The following SAMD12 variants were observed in gnomAD, a reference collection of about 807,000 sequenced individuals.
The protein encoded by SAMD12 is sterile alpha motif domain-containing protein 12.
SAMD12 carries 9 observed loss-of-function variants against 15.0 expected under a neutral mutation model. The ratio of observed to expected loss-of-function variants is 0.60; its 90% confidence interval spans 0.36 to 1.05. SAMD12 has a LOEUF of 1.05. SAMD12 is among the 50% of genes least tolerant of loss of function. The pLI is 0.01. For synonymous variants in SAMD12, 86 were observed against 90.1 expected (o/e 0.96, Z 0.25); for missense variants, 230 against 234.2 (o/e 0.98, Z 0.12).
chr8:118,348,549 T>C (rs1420604507), intron 4 of SAMD12, among the ~76,000 whole-genome samples: 2 of 152,054 alleles, frequency 1.3e-5, no homozygotes, highest in African/African-American at 2.4e-5. Context: ...TTTTTTTGTG[T>C]TTTTAGTAGA....
At chr8:118,534,213 G>C (rs1216116845) in intron 2 of SAMD12, among the ~76,000 whole-genome samples, 1 of 152,032 alleles carries the variant, frequency 6.6e-6, no homozygotes, top group Non-Finnish European at 1.5e-5. Context: ...GCTTAGTTTG[G>C]CTGGATATGA....
intron 4 of SAMD12, among the ~76,000 whole-genome samples, chr8:118,241,370 A>C (rs1444476229): frequency 6.6e-6 from 1 of 152,050 alleles, no homozygotes; most frequent in East Asian, 1.9e-4. Context: ...ATTTCCCACA[A>C]CAGTGTTCAG....
chr8:118,379,187 A>G lies in SAMD12; in HGVS notation c.*230T>C, dbSNP rs897045235. ...ACAATTGGCGCAGGTGAAGATAGCT[A>G]CAGCTGGACTGTACAGTTGTGCAGG... is the stretch of plus-strand genomic sequence containing the variant. On this transcript the variant is annotated 3_prime_UTR_variant, in exon 4 of 4. Coordinates refer to ENST00000314727, the MANE Select transcript of SAMD12 (RefSeq NM_207506.3). 1.8e-5 allele frequency: 23 copies of G among 1,255,352 alleles called. No individual in the cohort carries two copies. Among genetic ancestry groups the G allele is most frequent in the South Asian group, 6.1e-5 (2 of 32,690 alleles). 77.8% of individuals were successfully genotyped at this position (1,255,352 alleles called of 1,614,324 possible).
chr8:118,318,631 TG>T (rs1816069692), intron 4 of SAMD12, among the ~76,000 whole-genome samples: 1 of 151,962 alleles, frequency 6.6e-6, no homozygotes, highest in Admixed American at 6.6e-5. Context: ...ACTTGGGTGA[TG>T]GGTGCATTAA....
At chr8:118,265,063 A>G (rs1309506971) in intron 4 of SAMD12, among the ~76,000 whole-genome samples, 1 of 152,122 alleles carries the variant, frequency 6.6e-6, no homozygotes, top group Non-Finnish European at 1.5e-5. Flanking sequence ...TCTTAGCACT[A>G]TCATCGCTAC....
At chr8:118,523,973 C>T (rs544155343) in intron 2 of SAMD12, among the ~76,000 whole-genome samples, 4 of 152,240 alleles carry the variant, frequency 2.6e-5, no homozygotes, top group Admixed American at 6.5e-5. Flanking sequence ...TCACTCTTTC[C>T]GCGTGTCCTC....
chr8:118,222,649 G>T lies in SAMD12; in HGVS notation c.434-24917C>A, dbSNP rs554339205. Among the ~76,000 whole-genome samples the T allele has an allele frequency of 4.1e-4, 63 of 152,212 alleles. 1 individual carries two copies. The South Asian group carries it at 7.9e-3, about 19-fold the overall frequency. On this transcript the variant is annotated intron_variant, in intron 4 of 4. Coordinates refer to the SAMD12 transcript ENST00000409003. ...GTCTCCCGAGTAGCTGGGATTACAG[G>T]TGTGTGCCATCATGCCAGGCTAATT...
intron 2 of SAMD12, among the ~76,000 whole-genome samples, chr8:118,547,546 C>A (rs984036728): frequency 2.6e-5 from 4 of 152,168 alleles, no homozygotes; most frequent in African/African-American, 7.2e-5. Flanking sequence ...CAGTACTTAG[C>A]ACAAGTAAGT....
intron 4 of SAMD12, among the ~76,000 whole-genome samples, chr8:118,345,066 T>C (rs1359049170): frequency 6.6e-6 from 1 of 152,234 alleles, no homozygotes; most frequent in Non-Finnish European, 1.5e-5. Flanking sequence ...CAACCTCCAG[T>C]CTTGCAGGTT....
chr8:118,360,414 T>C (rs1445737875), intron 4 of SAMD12, among the ~76,000 whole-genome samples: 7 of 151,970 alleles, frequency 4.6e-5, no homozygotes, highest in Non-Finnish European at 1.0e-4. Context: ...AAAAGAATGG[T>C]TTATTTAAAG....
intron 4 of SAMD12, among the ~76,000 whole-genome samples, chr8:118,271,698 C>T (rs898375465): frequency 3.3e-5 from 5 of 152,144 alleles, no homozygotes; most frequent in Admixed American, 3.3e-4. Context: ...GAGAAATTGG[C>T]CAAAACAAAG....
intron 2 of SAMD12, among the ~76,000 whole-genome samples, chr8:118,463,011 G>A (rs1232532153): frequency 6.7e-6 from 1 of 149,268 alleles, no homozygotes; most frequent in African/African-American, 2.5e-5. Context: ...TGAGGCAGGA[G>A]AATGGCGTGA....
At chr8:118,370,509 C>A (rs1214742212) in intron 4 of SAMD12, among the ~76,000 whole-genome samples, 1 of 152,158 alleles carries the variant, frequency 6.6e-6, no homozygotes, top group Non-Finnish European at 1.5e-5. Flanking sequence ...GCACTACTCA[C>A]AACAGCAAAG....
At chr8:118,155,354 A>C in the SAMD12 span, among the ~76,000 whole-genome samples, 12 of 152,274 alleles carry the variant, frequency 7.9e-5, no homozygotes, top group East Asian at 2.1e-3. Flanking sequence ...CTCGATGAAC[A>C]GTGTTTTTGG....
intron 4 of SAMD12, among the ~76,000 whole-genome samples, chr8:118,345,514 A>C (rs766659874): frequency 3.9e-5 from 6 of 152,248 alleles, no homozygotes; most frequent in Non-Finnish European, 5.9e-5. Flanking sequence ...CTCAGAGGAC[A>C]GAGTGGAACC....
At chr8:118,451,495 C>T (rs1191051390) in intron 2 of SAMD12, among the ~76,000 whole-genome samples, 18 of 152,134 alleles carry the variant, frequency 1.2e-4, no homozygotes, top group Non-Finnish European at 2.9e-5. Context: ...AATTATACCA[C>T]TATTAAAGTG....
intron 2 of SAMD12, among the ~76,000 whole-genome samples, chr8:118,574,243 G>A (rs1336022961): frequency 6.6e-6 from 1 of 152,212 alleles, no homozygotes; most frequent in Non-Finnish European, 1.5e-5. Context: ...AATGAATTTA[G>A]TGGGCTCTGA....
At chr8:118,388,649 A>T (rs372673522) in intron 3 of SAMD12, among the ~76,000 whole-genome samples, 13 of 152,164 alleles carry the variant, frequency 8.5e-5, no homozygotes, top group African/African-American at 2.9e-4. Flanking sequence ...CACTAAAAAG[A>T]TACTTGTTAA....
intron 3 of SAMD12, among the ~76,000 whole-genome samples, chr8:118,413,663 C>T (rs898151285): frequency 3.9e-5 from 6 of 152,032 alleles, no homozygotes; most frequent in African/African-American, 1.2e-4. Flanking sequence ...TTTGAGATCC[C>T]TGAAGACAAG....
Sources: allele counts gnomAD v4.1 joint callset (sites outside exome capture counted in the v4.1 genomes callset), GRCh38; gene constraint gnomAD v4.1.1; transcripts MANE v1.5; gene names NCBI Gene and HGNC (gene_info 2026-07-23, HGNC 2026-07-21).